Variants in CASP5 observed in about 807,000 individuals in gnomAD.
CASP5 encodes the protein caspase-5.
Under a neutral mutation model 45.2 loss-of-function variants are expected in CASP5, and 42 were observed. The observed-to-expected ratio is 0.93, with a 90% CI of 0.73 to 1.20. The LOEUF is 1.20. Among genes scored for constraint, CASP5 ranks in the 50% most tolerant of loss-of-function variants. The probability of loss-of-function intolerance (pLI) is 0.00; values close to 1 mark genes in which losing one functional copy is unlikely to be tolerated. For missense variants in CASP5, 512 were observed against 532.2 expected (o/e 0.96, Z 0.37); for synonymous variants, 209 against 186.2 (o/e 1.12, Z -1.00).
intron 6 of CASP5, among the ~76,000 whole-genome samples, chr11:104,999,681 A>G (rs1861630759): frequency 6.6e-6 from 1 of 152,166 alleles, no homozygotes; most frequent in Non-Finnish European, 1.5e-5. Flanking sequence ...TTATCATGTC[A>G]TTACCAGTTT....
rs758434720 is a variant in CASP5 at position 105,008,859 on chromosome 11, T to C, written c.129A>G (p.Thr43=). Reference sequence around the variant, plus strand: ...TATTAGGTACTAGGGTCTGGATAGATGTTTGTCCAGCCACGTTGTTCTTTA... The same window carrying C: ...TATTAGGTACTAGGGTCTGGATAGACGTTTGTCCAGCCACGTTGTTCTTTA... ...HMLKNNVAGQ[T]SIQTLVPNTD... Residue 43 remains threonine, a synonymous_variant, in exon 2 of 10, where the codon ACA becomes ACG. Coordinates refer to ENST00000260315, the MANE Select transcript of CASP5 (RefSeq NM_004347.5). The C allele has an allele frequency of 1.2e-6, 2 of 1,613,214 alleles. No individual in the cohort carries two copies. Among genetic ancestry groups the C allele is most frequent in the South Asian group, 2.2e-5 (2 of 91,060 alleles).
chr11:105,011,572 C>A (rs1193008981), intron 1 of CASP5, among the ~76,000 whole-genome samples: 1 of 151,646 alleles, frequency 6.6e-6, no homozygotes, highest in African/African-American at 2.4e-5. Context: ...CATGAAAAAT[C>A]TGTTGGAACT....
chr11:105,011,078 C>G (rs559270291), intron 1 of CASP5, among the ~76,000 whole-genome samples: 1 of 151,716 alleles, frequency 6.6e-6, no homozygotes, highest in East Asian at 1.9e-4. Context: ...GGAGAGTTTA[C>G]AGAGGCTTCT....
intron 3 of CASP5, 111 bp downstream of exon 3, chr11:105,006,972 G>T: frequency 1.1e-6 from 1 of 932,728 alleles, no homozygotes; most frequent in Non-Finnish European, 1.6e-6. Flanking sequence ...TACTGAAAAT[G>T]AGAGTTTAGA....
intron 3 of CASP5, among the ~76,000 whole-genome samples, chr11:105,005,457 A>G (rs746951562): frequency 2.7e-4 from 41 of 151,798 alleles, no homozygotes; most frequent in Non-Finnish European, 5.4e-4. Context: ...CCAGAATCCA[A>G]TGCTTTGTTG....
intron 1 of CASP5, among the ~76,000 whole-genome samples, chr11:105,013,318 G>A (rs758132719): frequency 2.9e-4 from 44 of 151,872 alleles, no homozygotes; most frequent in Non-Finnish European, 5.2e-4. Flanking sequence ...CAATTAGATC[G>A]GAGAAGTAAG....
intron 1 of CASP5, among the ~76,000 whole-genome samples, chr11:105,016,970 G>C (rs1397609661): frequency 6.6e-6 from 1 of 150,392 alleles, no homozygotes; most frequent in Non-Finnish European, 1.5e-5. Flanking sequence ...AGAACGGGCA[G>C]ACTGCCTCCT....
intron 5 of CASP5, among the ~76,000 whole-genome samples, chr11:105,000,786 CTT>C: frequency 6.6e-6 from 1 of 151,672 alleles, no homozygotes; most frequent in East Asian, 1.9e-4. Context: ...TTATCTCAAT[CTT>C]TTCTCTCCTT....
At position 105,007,148 on chromosome 11, in the gene CASP5, C is replaced by T. The variant is rs139013723; in HGVS notation, c.368G>A (p.Arg123His). Residue 123 changes from arginine to histidine, a missense_variant, in exon 3 of 10, where the codon CGC becomes CAC. Coordinates refer to ENST00000260315, the MANE Select transcript of CASP5 (RefSeq NM_004347.5). ...TTGGGTAAACATTTGATGAGCCACGCGATTCTTTCGCAAAGAGTCTACCAA... is the reference window on the plus strand; with the variant it reads ...TTGGGTAAACATTTGATGAGCCACGTGATTCTTTCGCAAAGAGTCTACCAA... ...LILVDSLRKN[R>H]VAHQMFTQTL... 64 of 1,613,472 alleles carry T rather than the reference C, an allele frequency of 4.0e-5. No individual in the cohort carries two copies. Among genetic ancestry groups the T allele is most frequent in the African/African-American group, 1.3e-4 (10 of 74,892 alleles).
intron 1 of CASP5, among the ~76,000 whole-genome samples, chr11:105,020,197 A>G (rs1862872487): frequency 6.8e-6 from 1 of 147,856 alleles, no homozygotes; most frequent in Non-Finnish European, 1.5e-5. Flanking sequence ...CACAGCCAAT[A>G]TCATACTGAA....
At chr11:105,015,894 G>T (rs1203548252) in intron 1 of CASP5, among the ~76,000 whole-genome samples, 1 of 152,188 alleles carries the variant, frequency 6.6e-6, no homozygotes, top group Non-Finnish European at 1.5e-5. Flanking sequence ...GGAAGTACAA[G>T]TGAAGTAAAA....
chr11:105,022,604 C>A (rs566527636), intron 1 of CASP5, among the ~76,000 whole-genome samples: 94 of 152,100 alleles, frequency 6.2e-4, no homozygotes, highest in Non-Finnish European at 1.1e-3. Context: ...ATGATAGCAA[C>A]CTAAGATATA....
chr11:105,002,136 A>C lies in CASP5; in HGVS notation c.609T>G (p.Phe203Leu). The change falls in exon 5 of 10, where the codon TTT becomes TTG. Residue 203 changes from phenylalanine (F) to leucine (L), a missense_variant. Phe to Leu is a conservative substitution (Grantham distance 22). Transcript: ENST00000260315. Reference protein sequence around the residue: ...RLALIICNTKFDHLPARNGAH... With the variant: ...RLALIICNTKLDHLPARNGAH... Reference sequence around the variant, plus strand: ...CCCCATTCCTTGCAGGCAGGTGATCAAACTTTGTATTGCATATGATGAGAG... The same window carrying C: ...CCCCATTCCTTGCAGGCAGGTGATCCAACTTTGTATTGCATATGATGAGAG... 6.2e-7 allele frequency: 1 copy of C among 1,614,158 alleles called. No individual in the cohort carries two copies. The highest frequency in any genetic ancestry group is 1.1e-5 in the South Asian group (1 of 91,084).
At chr11:104,998,772 C>T in intron 7 of CASP5, 113 bp downstream of exon 7, 1 of 1,007,832 alleles carries the variant, frequency 9.9e-7, no homozygotes, top group Non-Finnish European at 1.5e-6. Flanking sequence ...ATATAGAGAG[C>T]ACACACCATT....
intron 1 of CASP5, among the ~76,000 whole-genome samples, chr11:105,011,064 A>T (rs1862324203): frequency 6.6e-6 from 1 of 151,738 alleles, no homozygotes; most frequent in Non-Finnish European, 1.5e-5. Context: ...AGAAAATTCC[A>T]GGAGGAGAGT....
At chr11:105,021,612 A>G (rs1291903789) in intron 1 of CASP5, among the ~76,000 whole-genome samples, 2 of 147,610 alleles carry the variant, frequency 1.4e-5, no homozygotes, top group African/African-American at 4.9e-5. Context: ...ACAATGAGAT[A>G]CCATCTCACA....
chr11:105,007,151 T>A lies in CASP5; in HGVS notation c.365A>T (p.Asn122Ile). 1 of 1,613,826 alleles carries A rather than the reference T, an allele frequency of 6.2e-7. No homozygotes were observed. Among genetic ancestry groups the A allele is most frequent in the Non-Finnish European group, 8.5e-7 (1 of 1,179,740 alleles). The change falls in exon 3 of 10, where the codon AAT (asparagine) becomes ATT (isoleucine). Residue 122 changes from asparagine to isoleucine, a missense_variant. By Grantham distance (149) the Asn-to-Ile change is moderately radical. Coordinates refer to ENST00000260315, the MANE Select transcript of CASP5 (RefSeq NM_004347.5). The stretch of plus-strand genomic sequence containing the variant: ...GGTAAACATTTGATGAGCCACGCGA[T>A]TCTTTCGCAAAGAGTCTACCAAGAT... ...ALILVDSLRK[N>I]RVAHQMFTQT...
intron 5 of CASP5, among the ~76,000 whole-genome samples, chr11:105,000,937 G>C (rs1431321606): frequency 6.6e-6 from 1 of 152,086 alleles, no homozygotes; most frequent in Non-Finnish European, 1.5e-5. Flanking sequence ...TCAATCTCTA[G>C]TCACACTGAT....
chr11:105,019,115 A>G (rs1227233955), intron 1 of CASP5, among the ~76,000 whole-genome samples: 1 of 150,936 alleles, frequency 6.6e-6, no homozygotes, highest in African/African-American at 2.4e-5. Context: ...AACGAGAACA[A>G]AGATACAACA....
Sources: allele counts gnomAD v4.1 joint callset (sites outside exome capture counted in the v4.1 genomes callset), GRCh38; gene constraint gnomAD v4.1.1; transcripts MANE v1.5; gene names NCBI Gene and HGNC (gene_info 2026-07-23, HGNC 2026-07-21).